The following EDEM3 variants were observed in gnomAD, a reference collection of about 807,000 sequenced individuals.
EDEM3 encodes ER degradation-enhancing alpha-mannosidase-like protein 3.
In EDEM3, 60 loss-of-function variants were observed where a neutral mutation model predicts 110.2. The ratio of observed to expected loss-of-function variants is 0.54; its 90% CI spans 0.44 to 0.67. The LOEUF (loss-of-function observed/expected upper bound fraction) is 0.67. EDEM3 is among the 30% of genes least tolerant of loss of function. The pLI, the probability that EDEM3 is intolerant of heterozygous loss-of-function variation, is 0.00. For synonymous variants in EDEM3, 352 were observed against 382.9 expected, an observed-to-expected ratio of 0.92 and a Z score of 0.94; for missense variants, 996 against 1,121.0, an observed-to-expected ratio of 0.89 and a Z score of 1.59.
chr1:184,716,394 C>T (rs1571372960), intron 13 of EDEM3, among the ~76,000 whole-genome samples: 1 of 152,234 alleles, frequency 6.6e-6, no homozygotes, highest in South Asian at 2.1e-4. Context: ...ATACTTCATA[C>T]CATCTACATC....
Position 184,710,387 on chromosome 1 carries a change from GT to G in EDEM3, c.1845+6del, listed in dbSNP as rs757286662. The G allele has an allele frequency of 6.8e-6, 11 of 1,613,330 alleles. No homozygotes were observed. The Admixed American group carries it at 1.8e-4, about 27-fold the overall frequency. ...GACGGTATCTAATTAGTGTAGCAATGTCTTACTTGGATTGCATGTTGGACCA... is the reference window on the plus strand; with the variant it reads ...GACGGTATCTAATTAGTGTAGCAATGCTTACTTGGATTGCATGTTGGACCA... On this transcript the variant is annotated splice_donor_region_variant and intron_variant, in intron 16 of 19. Coordinates refer to ENST00000318130, the MANE Select transcript of EDEM3 (RefSeq NM_025191.4).
chr1:184,699,212 C>T (rs888003629), intron 19 of EDEM3, among the ~76,000 whole-genome samples: 2 of 151,722 alleles, frequency 1.3e-5, no homozygotes, highest in South Asian at 4.1e-4. Context: ...TTCATCTGTA[C>T]ATTAAATGTT....
intron 1 of EDEM3, among the ~76,000 whole-genome samples, chr1:184,752,970 T>C (rs1172506436): frequency 6.6e-6 from 1 of 152,242 alleles, no homozygotes; most frequent in Non-Finnish European, 1.5e-5. Context: ...AATGATACAT[T>C]AAATTCATAT....
In EDEM3 at chr1:184,754,613, G is replaced by T. The variant is rs1358908585; in HGVS notation, c.34C>A (p.Pro12Thr). ...CTCCATCGCGCTCGCTGGGGAACCG[G>T]GGACCCACAGCCCCGGCCGCCGGCT... ...SEAGGRGCGSPVPQRARWRLV... is the reference protein window; with the variant it reads ...SEAGGRGCGSTVPQRARWRLV... The change falls in exon 1 of 20, where the codon CCG becomes ACG. Residue 12 changes from proline (P) to threonine (T), a missense_variant. This residue lies in a region of EDEM3 where 200 missense variants were observed against 183.8 expected (regional missense o/e 1.09). Transcript: ENST00000318130. The T allele has an allele frequency of 1.9e-6, 3 of 1,604,914 alleles. No homozygotes were observed. The highest frequency in any genetic ancestry group is 2.6e-6 in the Non-Finnish European group (3 of 1,176,094).
chr1:184,695,479 T>C (rs1000935681), intron 19 of EDEM3, among the ~76,000 whole-genome samples: 1 of 152,074 alleles, frequency 6.6e-6, no homozygotes, highest in Admixed American at 6.6e-5. Context: ...TATTTGCATA[T>C]AACTGACACA....
At chr1:184,710,318 C>T in intron 16 of EDEM3, 76 bp downstream of exon 16, 1 of 1,503,620 alleles carries the variant, frequency 6.7e-7, no homozygotes, top group Non-Finnish European at 9.0e-7. Flanking sequence ...AGTTGAAATC[C>T]ATTATCTTAT....
Position 184,732,916 on chromosome 1 carries a change from T to C in EDEM3, c.533A>G (p.Glu178Gly), listed in dbSNP as rs1651606741. 3 of 1,614,006 alleles carry C rather than the reference T, an allele frequency of 1.9e-6. No homozygotes were observed. Among genetic ancestry groups the C allele is most frequent in the African/African-American group, 1.3e-5 (1 of 74,938 alleles). ...TAACTGCTTTGCCATTTGGAGAAGT[T>C]CATCATTGTACCACTGCATATATTC... ...KGEYMQWYND[E>G]LLQMAKQLGY... The change falls in exon 6 of 20, where the codon GAA (glutamate) becomes GGA (glycine). Residue 178 changes from glutamate (E) to glycine (G), a missense_variant. Coordinates refer to ENST00000318130, the MANE Select transcript of EDEM3 (RefSeq NM_025191.4).
At chr1:184,697,718 G>A (rs1316751261) in intron 19 of EDEM3, among the ~76,000 whole-genome samples, 1 of 151,716 alleles carries the variant, frequency 6.6e-6, no homozygotes, top group Non-Finnish European at 1.5e-5. Context: ...GTAAAAAATG[G>A]TAAAAATGCC....
At position 184,716,948 on chromosome 1, in the gene EDEM3, G is replaced by C; in HGVS notation, c.1310C>G (p.Ala437Gly). Residue 437 changes from alanine (A) to glycine (G), a missense_variant, in exon 13 of 20, where the codon GCT (alanine) becomes GGT (glycine). Ala to Gly is a moderately conservative substitution (Grantham distance 60, BLOSUM62 0). This residue lies in a region of EDEM3 where 310 missense variants were observed against 394.6 expected (regional missense o/e 0.79). Transcript: ENST00000318130. ...KTLIENLNKY[A>G]RVPCGFAAMK... is the part of the protein sequence containing the mutation. The stretch of plus-strand genomic sequence containing the variant: ...GGCAGCAAATCCGCAAGGCACTCTA[G>C]CATATTTATTTAAATTTTCAATAAG... 3.1e-6 allele frequency: 5 copies of C among 1,613,106 alleles called. No individual in the cohort carries two copies. Among genetic ancestry groups the C allele is most frequent in the Non-Finnish European group, 3.4e-6 (4 of 1,179,250 alleles).
chr1:184,733,814 G>A (rs962228063), intron 5 of EDEM3, among the ~76,000 whole-genome samples: 4 of 149,418 alleles, frequency 2.7e-5, no homozygotes, highest in South Asian at 2.1e-4. Context: ...GCAACACAGC[G>A]AGAGTCTGTC....
Position 184,721,381 on chromosome 1 carries a change from C to A in EDEM3, c.859G>T (p.Gly287Ter). The change falls in exon 9 of 20, where the codon GGA becomes TGA. Residue 287 changes from glycine (G) to a stop codon, truncating the protein, a stop_gained. Coordinates refer to ENST00000318130, the MANE Select transcript of EDEM3 (RefSeq NM_025191.4). LOFTEE classifies it high-confidence loss of function. The part of the protein sequence containing the change: ...HTGDWVRKDS[G>*]VGAGIDSYYE... ...TATGAATCAATCCCTGCTCCAACTC[C>A]ACTATCTATGGAAACACAAATGTGA... 6.3e-7 allele frequency: 1 copy of A among 1,593,724 alleles called. No individual in the cohort carries two copies. The highest frequency in any genetic ancestry group is 1.8e-5 in the Admixed American group (1 of 54,590).
chr1:184,754,443 T>C (rs1205793175), intron 1 of EDEM3, 46 bp downstream of exon 1: 1 of 1,610,992 alleles, frequency 6.2e-7, no homozygotes, highest in Non-Finnish European at 8.5e-7. Flanking sequence ...CCCCTCCTGT[T>C]GTCAGCCTCA....
chr1:184,740,788 G>A (rs1652093501), intron 2 of EDEM3, among the ~76,000 whole-genome samples: 1 of 152,190 alleles, frequency 6.6e-6, no homozygotes, highest in Non-Finnish European at 1.5e-5. Flanking sequence ...AGAGACTACA[G>A]ATAAGCAGCC....
intron 2 of EDEM3, among the ~76,000 whole-genome samples, chr1:184,741,929 T>C (rs1376053238): frequency 6.6e-6 from 1 of 152,202 alleles, no homozygotes; most frequent in Non-Finnish European, 1.5e-5. Context: ...TGGCAAAGTT[T>C]CTAAGACTAG....
At chr1:184,696,794 A>G (rs1344149422) in intron 19 of EDEM3, among the ~76,000 whole-genome samples, 7 of 151,974 alleles carry the variant, frequency 4.6e-5, no homozygotes, top group Non-Finnish European at 1.0e-4. Context: ...TTCTTTCTAG[A>G]TTGTATTATT....
chr1:184,713,399 G>GT (rs1242476642), intron 13 of EDEM3, among the ~76,000 whole-genome samples: 1 of 152,200 alleles, frequency 6.6e-6, no homozygotes, highest in African/African-American at 2.4e-5. Flanking sequence ...AACTATATGT[G>GT]TTTTTACAAA....
Position 184,692,794 on chromosome 1 carries a change from A to C in EDEM3, c.*1269T>G, listed in dbSNP as rs1269687062. 7.6e-6 allele frequency: 1 copy of C among 131,616 alleles called. No homozygotes were observed. Among genetic ancestry groups the C allele is most frequent in the Non-Finnish European group, 1.7e-5 (1 of 58,506 alleles). The allele number at this position is 131,616 out of a possible 1,614,324, so 8.2% of individuals were successfully genotyped here. A position where few individuals can be genotyped will look rare whatever the true frequency, so the allele number is the denominator to read the frequency against. ...ACTACAACAACAACAAACCAAAAAAAAAAAGGGGGGGGGTGGAAGTCTCAT... is the reference window on the plus strand; with the variant it reads ...ACTACAACAACAACAAACCAAAAAACAAAAGGGGGGGGGTGGAAGTCTCAT... On this transcript the variant is annotated 3_prime_UTR_variant, in exon 20 of 20. Transcript: ENST00000318130.
At chr1:184,720,898 T>C (rs12060591) in intron 9 of EDEM3, 180 of 176,128 alleles carry the variant, frequency 1.0e-3, no homozygotes, top group African/African-American at 4.1e-3. Flanking sequence ...TTCAAAGCCC[T>C]GTATCCTTGG....
At chr1:184,747,207 A>C (rs531010138) in intron 2 of EDEM3, among the ~76,000 whole-genome samples, 1 of 152,312 alleles carries the variant, frequency 6.6e-6, no homozygotes, top group Admixed American at 6.5e-5. Context: ...CTTTGCAATT[A>C]TTCTCATTTT....
Sources: allele counts gnomAD v4.1 joint callset (sites outside exome capture counted in the v4.1 genomes callset), GRCh38; gene constraint gnomAD v4.1.1; regional missense constraint gnomAD v4.1.1; transcripts MANE v1.5; gene names NCBI Gene and HGNC (gene_info 2026-07-23, HGNC 2026-07-21).